The following CCDC171 variants were observed in gnomAD, a reference collection of about 807,000 sequenced individuals.
CCDC171 encodes coiled-coil domain-containing protein 171.
A neutral mutation model predicts 168.2 loss-of-function variants in CCDC171; 177 were observed. That is an observed-to-expected ratio of 1.05 (90% CI 0.93 to 1.19). The LOEUF is 1.19. CCDC171 is among the 50% of genes most tolerant of loss of function. The pLI is 0.00. For synonymous variants in CCDC171, 687 were observed against 540.8 expected (o/e 1.27, Z -3.75); for missense variants, 1,991 against 1,539.0 (o/e 1.29, Z -4.91).
chr9:15,803,955 T>C (rs1278490985), intron 21 of CCDC171, among the ~76,000 whole-genome samples: 1 of 152,098 alleles, frequency 6.6e-6, no homozygotes, highest in Non-Finnish European at 1.5e-5. Flanking sequence ...TCACTTCCCT[T>C]GTTAGCTGTA....
chr9:15,850,337 T>C (rs2061073265), intron 23 of CCDC171: 2 of 151,958 alleles, frequency 1.3e-5, no homozygotes, highest in Admixed American at 6.6e-5. Flanking sequence ...TCTTCTTTTC[T>C]TATGAAAATG....
the CCDC171 span, among the ~76,000 whole-genome samples, chr9:16,095,530 C>T: frequency 2.0e-5 from 3 of 152,096 alleles, no homozygotes; most frequent in Non-Finnish European, 4.4e-5. Flanking sequence ...CTCTCACACA[C>T]ACGCTCTCTC....
chr9:15,965,406 A>G (rs1250416265), intron 25 of CCDC171, among the ~76,000 whole-genome samples: 2 of 152,208 alleles, frequency 1.3e-5, no homozygotes, highest in African/African-American at 4.8e-5. Context: ...ATGGTAAGGT[A>G]ATGGTCAAGC....
At chr9:15,727,136 A>G (rs527865566) in intron 14 of CCDC171, among the ~76,000 whole-genome samples, 1 of 152,254 alleles carries the variant, frequency 6.6e-6, no homozygotes, top group East Asian at 1.9e-4. Flanking sequence ...AAAGTATGTA[A>G]TGAGCAGCTA....
At chr9:15,710,340 C>G (rs964323079) in intron 11 of CCDC171, among the ~76,000 whole-genome samples, 3 of 152,084 alleles carry the variant, frequency 2.0e-5, no homozygotes, top group African/African-American at 7.2e-5. Context: ...TGGAGTCTCA[C>G]TCTGTCACCC....
At chr9:15,715,009 T>C (rs1421750793) in intron 11 of CCDC171, among the ~76,000 whole-genome samples, 2 of 152,232 alleles carry the variant, frequency 1.3e-5, no homozygotes, top group East Asian at 3.9e-4. Context: ...TGCTACCATT[T>C]GGTCTCTTGT....
intron 24 of CCDC171, chr9:15,875,686 G>C (rs1588954841): frequency 6.6e-6 from 1 of 151,774 alleles, no homozygotes; most frequent in East Asian, 1.9e-4. Flanking sequence ...ATTAATGTCA[G>C]TGTGTGTGTG....
At chr9:16,094,643 T>C in the CCDC171 span, among the ~76,000 whole-genome samples, 2 of 152,052 alleles carry the variant, frequency 1.3e-5, no homozygotes, top group Non-Finnish European at 2.9e-5. Flanking sequence ...TCCTCAAGAG[T>C]GGGACTATGT....
At chr9:16,054,645 G>T (rs568338552) in intron 1 of CCDC171, among the ~76,000 whole-genome samples, 1 of 152,272 alleles carries the variant, frequency 6.6e-6, no homozygotes, top group East Asian at 1.9e-4. Flanking sequence ...CGGCTTCAAG[G>T]TTCAAAAAAT....
chr9:15,820,069 A>G (rs1478135143), intron 21 of CCDC171, among the ~76,000 whole-genome samples: 1 of 117,996 alleles, frequency 8.5e-6, no homozygotes, highest in African/African-American at 3.2e-5. Context: ...GGGAAACTGA[A>G]CAGCCTGCTC....
the CCDC171 span, among the ~76,000 whole-genome samples, chr9:16,083,038 G>T: frequency 6.6e-6 from 1 of 152,128 alleles, no homozygotes; most frequent in African/African-American, 2.4e-5. Context: ...CTAAGTCAAT[G>T]GAATGAAATC....
At chr9:15,615,936 C>T (rs1311588742) in intron 6 of CCDC171, among the ~76,000 whole-genome samples, 6 of 151,830 alleles carry the variant, frequency 4.0e-5, no homozygotes, top group African/African-American at 1.5e-4. Flanking sequence ...CGCCACAACG[C>T]CAGCTAATTT....
chr9:15,961,543 G>A (rs907102278), intron 25 of CCDC171, among the ~76,000 whole-genome samples: 3 of 152,190 alleles, frequency 2.0e-5, no homozygotes, highest in Non-Finnish European at 2.9e-5. Flanking sequence ...ATGTAAAACT[G>A]TAAATATGAC....
chr9:15,578,756 T>C, intron 3 of CCDC171, 93 bp from the exon 4 acceptor site: 1 of 992,602 alleles, frequency 1.0e-6, no homozygotes, highest in Non-Finnish European at 1.5e-6. Flanking sequence ...CTTGTATATA[T>C]TATGGAAACA....
At chr9:15,603,969 A>G (rs1346033200) in intron 6 of CCDC171, among the ~76,000 whole-genome samples, 1 of 151,820 alleles carries the variant, frequency 6.6e-6, no homozygotes. Context: ...ATGGTATCTC[A>G]TTGTGATTTT....
rs1374684066 is a variant in CCDC171, at chr9:15,744,729, G to A, written c.2506G>A (p.Gly836Ser). 2 of 1,614,068 alleles carry A rather than the reference G, an allele frequency of 1.2e-6. No individual in the cohort carries two copies. Among genetic ancestry groups the A allele is most frequent in the Non-Finnish European group, 1.7e-6 (2 of 1,180,000 alleles). The change falls in exon 17 of 26, where the codon GGC becomes AGC. Residue 836 changes from glycine (G) to serine (S), a missense_variant. Physicochemically the swap from Gly to Ser is moderately conservative, Grantham distance 56. Coordinates refer to ENST00000380701, the MANE Select transcript of CCDC171 (RefSeq NM_173550.4). ...TWMESFKEGI[G>S]MLVCTGEPQD... ...GATGGAGAGTTTCAAAGAAGGCATAGGCATGTTAGTGTGCACAGGAGAGCC... is the reference window on the plus strand; with the variant it reads ...GATGGAGAGTTTCAAAGAAGGCATAAGCATGTTAGTGTGCACAGGAGAGCC...
chr9:15,610,826 T>C (rs1413797517), intron 6 of CCDC171, among the ~76,000 whole-genome samples: 3 of 152,112 alleles, frequency 2.0e-5, no homozygotes, highest in Non-Finnish European at 4.4e-5. Flanking sequence ...CCCAAAATCC[T>C]GGGATTACAG....
intron 24 of CCDC171, among the ~76,000 whole-genome samples, chr9:15,916,712 T>G (rs920306602): frequency 8.5e-5 from 13 of 152,084 alleles, no homozygotes; most frequent in Non-Finnish European, 1.6e-4. Context: ...TTATAACTTT[T>G]TATATTCTAA....
At chr9:15,587,279 T>G (rs1157760367) in intron 4 of CCDC171, among the ~76,000 whole-genome samples, 1 of 152,194 alleles carries the variant, frequency 6.6e-6, no homozygotes, top group Non-Finnish European at 1.5e-5. Context: ...TTCCCATGTG[T>G]TATGGGAGGG....
Sources: allele counts gnomAD v4.1 joint callset (sites outside exome capture counted in the v4.1 genomes callset), GRCh38; gene constraint gnomAD v4.1.1; transcripts MANE v1.5; gene names NCBI Gene and HGNC (gene_info 2026-07-23, HGNC 2026-07-21).